The following MYRIP variants were observed in gnomAD, a reference collection of about 807,000 sequenced individuals.
MYRIP encodes myosin VIIA and Rab interacting protein.
MYRIP carries 49 observed loss-of-function variants against 98.0 expected under a neutral mutation model. The observed-to-expected ratio is 0.50, with a 90% CI of 0.40 to 0.63. MYRIP has a LOEUF of 0.63. MYRIP is among the 30% of genes least tolerant of loss of function. MYRIP has a pLI of 0.00. For missense variants in MYRIP, 1,004 were observed against 1,058.2 expected (o/e 0.95, Z 0.71); for synonymous variants, 404 against 409.5 (o/e 0.99, Z 0.16).
chr3:40,052,096 T>C (rs1297704478), intron 3 of MYRIP, among the ~76,000 whole-genome samples: 1 of 152,134 alleles, frequency 6.6e-6, no homozygotes, highest in Non-Finnish European at 1.5e-5. Flanking sequence ...TTAACTGTAA[T>C]TTCCCTACTA....
chr3:40,027,125 C>A (rs1047044568), intron 2 of MYRIP, among the ~76,000 whole-genome samples: 1 of 152,132 alleles, frequency 6.6e-6, no homozygotes, highest in Non-Finnish European at 1.5e-5. Context: ...AAAACTTGCT[C>A]CTGCCCACCC....
chr3:39,850,769 C>T (rs1271640779), intron 1 of MYRIP, among the ~76,000 whole-genome samples: 1 of 152,138 alleles, frequency 6.6e-6, no homozygotes, highest in Non-Finnish European at 1.5e-5. Flanking sequence ...GCTGCCAGCT[C>T]TTATATTGAC....
chr3:39,968,673 T>G (rs1347405903), intron 2 of MYRIP, among the ~76,000 whole-genome samples: 1 of 152,166 alleles, frequency 6.6e-6, no homozygotes, highest in Non-Finnish European at 1.5e-5. Context: ...TGTTGTTTCA[T>G]TGTTCTATAT....
chr3:40,145,607 A>G (rs1949991385), intron 3 of MYRIP, among the ~76,000 whole-genome samples: 1 of 152,200 alleles, frequency 6.6e-6, no homozygotes, highest in South Asian at 2.1e-4. Context: ...TTAGAATCTC[A>G]CACCATGGGT....
intron 8 of MYRIP, among the ~76,000 whole-genome samples, chr3:40,179,259 C>G (rs915623554): frequency 4.6e-5 from 7 of 152,138 alleles, no homozygotes; most frequent in Admixed American, 4.6e-4. Context: ...GTCCTAGGAC[C>G]TGTTGGAGAC....
At position 40,189,944 on chromosome 3, in the gene MYRIP, G is replaced by A. The variant is rs371732599; in HGVS notation, c.1146G>A (p.Val382=). ...GCGGGACGTTTCAGGCCCTGGAGGTGGCCTCCAGTGTGGCATCTGCCTACG... is the reference window on the plus strand; with the variant it reads ...GCGGGACGTTTCAGGCCCTGGAGGTAGCCTCCAGTGTGGCATCTGCCTACG... ...PKSGTFQALE[V]ASSVASAYDE... The change falls in exon 10 of 17, where the codon GTG becomes GTA. Residue 382 remains valine (V), a synonymous_variant. Coordinates refer to ENST00000302541, the MANE Select transcript of MYRIP (RefSeq NM_015460.4). The A allele has an allele frequency of 9.9e-6, 16 of 1,614,044 alleles. No individual in the cohort carries two copies. Among genetic ancestry groups the A allele is most frequent in the Admixed American group, 8.3e-5 (5 of 60,008 alleles).
intron 1 of MYRIP, among the ~76,000 whole-genome samples, chr3:39,884,365 G>A (rs1333766623): frequency 1.3e-5 from 2 of 152,088 alleles, no homozygotes; most frequent in African/African-American, 4.8e-5. Flanking sequence ...GTGTTAAGTT[G>A]GCTGGGCCAC....
chr3:39,840,463 G>A (rs1012930023), intron 1 of MYRIP, among the ~76,000 whole-genome samples: 12 of 152,214 alleles, frequency 7.9e-5, no homozygotes, highest in South Asian at 2.1e-4. Flanking sequence ...CATTTAGCCC[G>A]TTTACATTTA....
chr3:40,075,850 C>T (rs1390571068), intron 3 of MYRIP, among the ~76,000 whole-genome samples: 1 of 152,048 alleles, frequency 6.6e-6, no homozygotes, highest in African/African-American at 2.4e-5. Flanking sequence ...ACAGTTTTGT[C>T]TGTATTCCTT....
chr3:40,038,877 G>T (rs1947443059), intron 2 of MYRIP, among the ~76,000 whole-genome samples: 1 of 152,034 alleles, frequency 6.6e-6, no homozygotes, highest in African/African-American at 2.4e-5. Context: ...TACCAGTTAG[G>T]TCGCAGCTTT....
intron 2 of MYRIP, among the ~76,000 whole-genome samples, chr3:39,937,072 C>G (rs114520396): frequency 6.6e-6 from 1 of 152,142 alleles, no homozygotes. Flanking sequence ...CTACCCACCC[C>G]CATACACTTG....
At chr3:40,076,991 T>C (rs373964681) in intron 3 of MYRIP, among the ~76,000 whole-genome samples, 13 of 152,242 alleles carry the variant, frequency 8.5e-5, no homozygotes, top group African/African-American at 3.1e-4. Context: ...CCAGAATTGG[T>C]GGGTTCTTGG....
At chr3:39,963,346 G>C (rs1195981018) in intron 2 of MYRIP, among the ~76,000 whole-genome samples, 1 of 152,102 alleles carries the variant, frequency 6.6e-6, no homozygotes, top group Non-Finnish European at 1.5e-5. Flanking sequence ...ATTTAAGTGA[G>C]GATAACTCAC....
chr3:40,210,099 G>C lies in MYRIP; in HGVS notation c.1905+6G>C, dbSNP rs376356567. On this transcript the variant is annotated splice_donor_region_variant and intron_variant, in intron 11 of 16. Transcript: ENST00000302541. ...TCCAGGAAGAGCTGAAGAAGGTAAG[G>C]GCTGTGAAGCCACCTGCAGACAGCT... The C allele has an allele frequency of 6.2e-7, 1 of 1,613,042 alleles. No individual in the cohort carries two copies. The highest frequency in any genetic ancestry group is 8.5e-7 in the Non-Finnish European group (1 of 1,179,612).
intron 3 of MYRIP, among the ~76,000 whole-genome samples, chr3:40,060,433 A>G (rs2887954): frequency 0.29 from 44,083 of 151,902 alleles, 6,480 homozygotes; most frequent in East Asian, 0.36. Context: ...CTTATTTCAA[A>G]GGAAAAACAC....
At chr3:40,089,677 C>T (rs544131529) in intron 3 of MYRIP, among the ~76,000 whole-genome samples, 1 of 152,288 alleles carries the variant, frequency 6.6e-6, no homozygotes, top group South Asian at 2.1e-4. Context: ...CTGAGGTTTA[C>T]AGAAATATTA....
In MYRIP at chr3:40,169,941, C is replaced by T. The variant is rs376575366; in HGVS notation, c.730-9C>T. The T allele has an allele frequency of 8.5e-5, 137 of 1,613,624 alleles. No homozygotes were observed. In the South Asian group the frequency reaches 8.8e-4, roughly 10 times the overall value. ...ATAACTTGCCCCTTTTTTGTCCTCC[C>T]CTCCCCAGATTATACGAAAACAGAA... is the stretch of plus-strand genomic sequence containing the variant. On this transcript the variant is annotated splice_polypyrimidine_tract_variant and intron_variant, in intron 7 of 16. Transcript: ENST00000302541.
intron 3 of MYRIP, among the ~76,000 whole-genome samples, chr3:40,145,147 C>T (rs957515084): frequency 1.3e-5 from 2 of 152,196 alleles, no homozygotes; most frequent in South Asian, 2.1e-4. Context: ...GTAATGTGCT[C>T]AAGACCACAC....
intron 3 of MYRIP, among the ~76,000 whole-genome samples, chr3:40,047,470 C>T (rs1240140087): frequency 6.6e-6 from 1 of 152,170 alleles, no homozygotes; most frequent in African/African-American, 2.4e-5. Context: ...GAGGAGTCTT[C>T]CACATTCAAT....
Sources: allele counts gnomAD v4.1 joint callset (sites outside exome capture counted in the v4.1 genomes callset), GRCh38; gene constraint gnomAD v4.1.1; transcripts MANE v1.5; gene names NCBI Gene and HGNC (gene_info 2026-07-23, HGNC 2026-07-21).